Variants in MME observed in about 807,000 individuals in gnomAD.
MME encodes neprilysin.
A neutral mutation model predicts 113.2 loss-of-function variants in MME; 98 were observed. The ratio of observed to expected loss-of-function variants is 0.87; its 90% CI spans 0.74 to 1.02. The LOEUF (loss-of-function observed/expected upper bound fraction) is 1.02. Ranked by LOEUF, MME falls within the 50% of genes least tolerant of loss-of-function variation. MME has a pLI of 0.00. For missense variants in MME, 836 were observed against 896.0 expected (o/e 0.93, Z 0.86); for synonymous variants, 292 against 300.6 (o/e 0.97, Z 0.30).
intron 8 of MME, among the ~76,000 whole-genome samples, chr3:155,125,972 G>A (rs1335145304): frequency 6.6e-6 from 1 of 152,120 alleles, no homozygotes; most frequent in Non-Finnish European, 1.5e-5. Flanking sequence ...AGCTAAATAT[G>A]TTTATGATTG....
chr3:155,089,903 C>T (rs184506903), intron 3 of MME: 35 of 447,054 alleles, frequency 7.8e-5, no homozygotes, highest in African/African-American at 4.8e-4. Flanking sequence ...GAGGTTGAAG[C>T]GAGCCAAGAT....
At chr3:155,026,461 C>G (rs1712791688) in intron 1 of MME, among the ~76,000 whole-genome samples, 2 of 152,166 alleles carry the variant, frequency 1.3e-5, no homozygotes, top group Non-Finnish European at 2.9e-5. Context: ...CAGTGGCTCA[C>G]ACCTGTAATC....
intron 6 of MME, 51 bp downstream of exon 6, chr3:155,116,810 A>G (rs1347679032): frequency 6.4e-7 from 1 of 1,566,200 alleles, no homozygotes; most frequent in African/African-American, 1.4e-5. Flanking sequence ...AATCTATGTT[A>G]TAATATCATT....
chr3:155,138,294 C>A lies in MME; in HGVS notation c.855+58C>A, dbSNP rs900041161. On this transcript the variant is annotated intron_variant, in intron 9 of 22. Coordinates refer to ENST00000360490, the MANE Select transcript of MME (RefSeq NM_007289.4). ...TAATGTCAACCGCTTTTTTTCTTTC[C>A]CCTCTCTATCATACTTTAAGAGTAA... The A allele has an allele frequency of 1.7e-5, 27 of 1,545,662 alleles. No homozygotes were observed. The African/African-American group carries it at 3.3e-4, about 19-fold the overall frequency.
rs1185004319 is a variant in MME, at chr3:155,030,094, C to A, written c.-11+5770C>A. Among the ~76,000 whole-genome samples, 4 of 152,130 alleles carry A rather than the reference C, an allele frequency of 2.6e-5. No individual in the cohort carries two copies. The East Asian group carries it at 7.7e-4, about 29-fold the overall frequency. ...GGTGAACATTTACATCCCAAAGGCA[C>A]AGAAATTAGATCTAAACGCCATTAT... On this transcript the variant is annotated intron_variant, in intron 1 of 22. Coordinates refer to the MME transcript ENST00000492661.
chr3:155,176,742 C>T (rs776426365), intron 22 of MME, among the ~76,000 whole-genome samples: 7 of 152,060 alleles, frequency 4.6e-5, no homozygotes, highest in Non-Finnish European at 7.4e-5. Context: ...AGGAGGATTG[C>T]TTGAACCCAG....
intron 8 of MME, among the ~76,000 whole-genome samples, chr3:155,125,131 T>TC (rs1338249895): frequency 5.0e-5 from 7 of 141,382 alleles, no homozygotes; most frequent in South Asian, 2.5e-4. Context: ...GTGCGCCGTT[T>TC]TTAAGCCGGT....
intron 20 of MME, among the ~76,000 whole-genome samples, chr3:155,170,631 T>C (rs558053082): frequency 2.6e-5 from 4 of 152,258 alleles, no homozygotes; most frequent in East Asian, 1.9e-4. Context: ...TAGCATTGGG[T>C]ATTTTGCTCA....
chr3:155,179,343 C>A (rs1712852274), intron 22 of MME, among the ~76,000 whole-genome samples: 1 of 152,120 alleles, frequency 6.6e-6, no homozygotes, highest in South Asian at 2.1e-4. Context: ...GTTTAGATTT[C>A]CTTCAAGTCC....
At position 155,084,189 on chromosome 3, in the gene MME, A is replaced by G. The variant is rs61762319; in HGVS notation, c.22A>G (p.Met8Val). Reference sequence around the variant, plus strand: ...GGTGATGGGCAAGTCAGAAAGTCAGATGGATATAACTGATATCAACACTCC... The same window carrying G: ...GGTGATGGGCAAGTCAGAAAGTCAGGTGGATATAACTGATATCAACACTCC... MGKSESQ[M>V]DITDINTPKP... The change falls in exon 2 of 23, where the codon ATG becomes GTG. Residue 8 changes from methionine (M) to valine (V), a missense_variant. Physicochemically the swap from Met to Val is conservative, Grantham distance 21. Transcript: ENST00000360490. 37,221 of 1,613,950 alleles carry G rather than the reference A, an allele frequency of 0.023. 525 individuals carry two copies. Among genetic ancestry groups the G allele is most frequent in the Non-Finnish European group, 0.027 (32,391 of 1,179,814 alleles).
chr3:155,133,663 CAT>C lies in MME; in HGVS notation c.721-4415_721-4414del, dbSNP rs61223926. ...ATACACACCATATATATACACACAC[CAT>C]ATATATATATATATATATATATACC... On this transcript the variant is annotated intron_variant, in intron 8 of 22. Transcript: ENST00000360490. 6.1e-3 allele frequency among the ~76,000 whole-genome samples: 840 copies of C among 136,806 alleles called. 2 individuals are homozygous for C. The highest frequency in any genetic ancestry group is 0.016 in the Middle Eastern group (4 of 258). The allele number at this position is 136,806 out of a possible 152,430, so 89.8% of individuals were successfully genotyped here. A position where few individuals can be genotyped will look rare whatever the true frequency, so the allele number is the denominator to read the frequency against.
intron 1 of MME, among the ~76,000 whole-genome samples, chr3:155,032,182 T>C (rs1712995472): frequency 6.6e-6 from 1 of 152,238 alleles, no homozygotes; most frequent in South Asian, 2.1e-4. Context: ...TAGATTTTCC[T>C]TTTGAATGAC....
chr3:155,043,319 C>A (rs1165236816), intron 1 of MME, among the ~76,000 whole-genome samples: 1 of 150,468 alleles, frequency 6.6e-6, no homozygotes, highest in Non-Finnish European at 1.5e-5. Context: ...TACTTATGAA[C>A]CTCTTTTTCT....
At position 155,160,304 on chromosome 3, in the gene MME, G is replaced by A. The variant is rs78177862; in HGVS notation, c.1602-86G>A. The A allele has an allele frequency of 1.1e-3, 977 of 916,274 alleles. 7 individuals carry two copies. The African/African-American group carries it at 0.014, about 13-fold the overall frequency. 56.8% of individuals were successfully genotyped at this position (916,274 alleles called of 1,614,324 possible). A position where few individuals can be genotyped will look rare whatever the true frequency, so the allele number is the denominator to read the frequency against. On this transcript the variant is annotated intron_variant, in intron 16 of 22. Transcript: ENST00000360490. The stretch of plus-strand genomic sequence containing the variant: ...CAAACAGAAAGTTAAGATTCATCTA[G>A]GAATGGTAATAATGCTTTAATTGTG...
At chr3:155,083,648 G>A (rs369325494) in intron 1 of MME, 34 of 158,832 alleles carry the variant, frequency 2.1e-4, no homozygotes, top group East Asian at 2.0e-3. Context: ...GTGTTCATTC[G>A]TTTTGCTGTT....
chr3:155,066,613 T>C (rs954678285), intron 1 of MME, among the ~76,000 whole-genome samples: 6 of 152,246 alleles, frequency 3.9e-5, no homozygotes, highest in South Asian at 2.1e-4. Context: ...ATATTACTTA[T>C]GTAATGTGTT....
At chr3:155,084,923 A>G (rs1204772289) in intron 2 of MME, 136 bp from the exon 3 acceptor site, 12 of 573,902 alleles carry the variant, frequency 2.1e-5, no homozygotes, top group Non-Finnish European at 3.1e-5. Context: ...ACTGACAATG[A>G]TATATAATGT....
At chr3:155,114,681 A>T (rs574627800) in intron 3 of MME, among the ~76,000 whole-genome samples, 28 of 152,102 alleles carry the variant, frequency 1.8e-4, no homozygotes, top group African/African-American at 5.5e-4. Context: ...CTCAAAGTAG[A>T]CCTCTATTCT....
intron 3 of MME, among the ~76,000 whole-genome samples, chr3:155,112,024 C>A (rs937955098): frequency 1.5e-5 from 2 of 130,898 alleles, no homozygotes; most frequent in Non-Finnish European, 3.4e-5. Context: ...CTTCAAAATT[C>A]GAGGGAATTG....
Sources: allele counts gnomAD v4.1 joint callset (sites outside exome capture counted in the v4.1 genomes callset), GRCh38; gene constraint gnomAD v4.1.1; transcripts MANE v1.5; gene names NCBI Gene and HGNC (gene_info 2026-07-23, HGNC 2026-07-21).